MALRD1: variants seen among roughly 807,000 people sequenced by gnomAD.
MALRD1 encodes MAM and LDL-receptor class A domain-containing protein 1.
In MALRD1, 247 loss-of-function variants were observed where a neutral mutation model predicts 242.1. The ratio of observed to expected loss-of-function variants is 1.02; its 90% confidence interval spans 0.92 to 1.13. The LOEUF is 1.13. Among genes scored for constraint, MALRD1 ranks in the 50% most tolerant of loss-of-function variants. MALRD1 has a pLI of 0.00. For missense variants in MALRD1, 2,989 were observed against 2,533.1 expected (o/e 1.18, Z -3.86); for synonymous variants, 995 against 866.6 (o/e 1.15, Z -2.60).
rs894393101 is a variant in MALRD1, at chr10:19,136,682, G to A, written c.1312G>A (p.Glu438Lys). Reference protein sequence around the residue: ...TQSRKLCSADEFPCTSGQCIA... With the variant: ...TQSRKLCSADKFPCTSGQCIA... ...ATCCAGAAAGCTTTGCTCTGCAGAC[G>A]AATTCCCTTGCACTAGTGGCCAGTG... Residue 438 changes from glutamate to lysine, a missense_variant, in exon 10 of 40, where the codon GAA becomes AAA. Transcript: ENST00000454679. 4.3e-5 allele frequency: 53 copies of A among 1,231,566 alleles called. No individual in the cohort carries two copies. Among genetic ancestry groups the A allele is most frequent in the Non-Finnish European group, 4.8e-5 (47 of 987,996 alleles). 76.3% of individuals were successfully genotyped at this position (1,231,566 alleles called of 1,614,324 possible).
intron 29 of MALRD1, among the ~76,000 whole-genome samples, chr10:19,485,005 G>C (rs1166592278): frequency 3.3e-5 from 5 of 152,118 alleles, no homozygotes; most frequent in African/African-American, 1.2e-4. Context: ...ACAAAATAAT[G>C]AAATAAGGTC....
intron 29 of MALRD1, among the ~76,000 whole-genome samples, chr10:19,473,264 A>G (rs1439581044): frequency 6.6e-6 from 1 of 151,636 alleles, no homozygotes; most frequent in Non-Finnish European, 1.5e-5. Context: ...CTGGCATACT[A>G]CAGACAACAA....
intron 31 of MALRD1, among the ~76,000 whole-genome samples, chr10:19,515,874 CTCT>C (rs1166494477): frequency 6.6e-6 from 1 of 152,108 alleles, no homozygotes; most frequent in Non-Finnish European, 1.5e-5. Context: ...GGCCAACTTT[CTCT>C]TCTTGCTGAT....
intron 28 of MALRD1, among the ~76,000 whole-genome samples, chr10:19,407,967 A>G (rs1458405890): frequency 6.6e-6 from 1 of 152,170 alleles, no homozygotes; most frequent in Non-Finnish European, 1.5e-5. Flanking sequence ...ACCAAACACC[A>G]TGGATTCAGT....
intron 17 of MALRD1, among the ~76,000 whole-genome samples, chr10:19,206,764 C>T (rs1439517810): frequency 6.6e-6 from 1 of 152,116 alleles, no homozygotes; most frequent in Non-Finnish European, 1.5e-5. Flanking sequence ...TAGGCGTATT[C>T]CCTTTGGAAA....
intron 6 of MALRD1, among the ~76,000 whole-genome samples, 165 bp from the exon 7 acceptor site, chr10:19,124,359 C>A (rs1479772377): frequency 6.6e-6 from 1 of 152,120 alleles, no homozygotes; most frequent in Non-Finnish European, 1.5e-5. Flanking sequence ...AATGGAGTTG[C>A]TGGTACACTC....
At chr10:19,079,110 G>C (rs918515090) in intron 2 of MALRD1, among the ~76,000 whole-genome samples, 5 of 150,692 alleles carry the variant, frequency 3.3e-5, no homozygotes. Flanking sequence ...TTTAAATTTA[G>C]GCATTTACAG....
intron 31 of MALRD1, among the ~76,000 whole-genome samples, chr10:19,526,971 T>C (rs990704214): frequency 6.6e-6 from 1 of 152,104 alleles, no homozygotes; most frequent in Admixed American, 6.5e-5. Context: ...ATTTCAAGGT[T>C]TGGGAATTTG....
intron 33 of MALRD1, among the ~76,000 whole-genome samples, chr10:19,578,990 G>C (rs916563011): frequency 6.6e-6 from 1 of 152,070 alleles, no homozygotes; most frequent in African/African-American, 2.4e-5. Context: ...GTTTCTATTA[G>C]GAAGGCAGAA....
At chr10:19,690,899 C>A (rs1040852208) in intron 36 of MALRD1, among the ~76,000 whole-genome samples, 1 of 151,862 alleles carries the variant, frequency 6.6e-6, no homozygotes, top group African/African-American at 2.4e-5. Context: ...AACTGGTAAT[C>A]CAAGACAGTT....
intron 4 of MALRD1, among the ~76,000 whole-genome samples, chr10:19,102,630 CAT>C (rs1055368288): frequency 1.3e-5 from 2 of 151,948 alleles, no homozygotes; most frequent in African/African-American, 2.4e-5. Flanking sequence ...GAATAATGCA[CAT>C]GTGTTCATCA....
At chr10:19,081,288 G>A (rs573586920) in intron 2 of MALRD1, among the ~76,000 whole-genome samples, 17 of 151,868 alleles carry the variant, frequency 1.1e-4, no homozygotes, top group African/African-American at 1.9e-4. Flanking sequence ...AAATATAAAC[G>A]ATTCTATTAT....
At chr10:19,116,079 T>G (rs1836860599) in intron 5 of MALRD1, among the ~76,000 whole-genome samples, 1 of 152,146 alleles carries the variant, frequency 6.6e-6, no homozygotes, top group African/African-American at 2.4e-5. Flanking sequence ...GAAATTTTAT[T>G]GTACATTTAT....
intron 38 of MALRD1, 53 bp downstream of exon 38, chr10:19,692,607 C>G (rs908761758): frequency 7.2e-7 from 1 of 1,383,562 alleles, no homozygotes; most frequent in African/African-American, 1.5e-5. Context: ...GAAAAATTTT[C>G]TTCAACATTT....
chr10:19,316,458 CAAACA>C (rs1246956747), intron 21 of MALRD1, among the ~76,000 whole-genome samples: 3 of 151,806 alleles, frequency 2.0e-5, no homozygotes. Flanking sequence ...GAAGACTGGG[CAAACA>C]ATACAGAATG....
chr10:19,689,765 C>G (rs375948704), intron 36 of MALRD1, among the ~76,000 whole-genome samples: 2 of 151,842 alleles, frequency 1.3e-5, no homozygotes, highest in African/African-American at 4.8e-5. Flanking sequence ...TCATTTTATC[C>G]CATGACAGTT....
chr10:19,545,094 T>C (rs1835152761), intron 32 of MALRD1, among the ~76,000 whole-genome samples: 1 of 152,220 alleles, frequency 6.6e-6, no homozygotes, highest in African/African-American at 2.4e-5. Context: ...GGCTTCTTCC[T>C]TGACTGGTCA....
chr10:19,207,094 A>G (rs1836818896), intron 17 of MALRD1, among the ~76,000 whole-genome samples: 1 of 152,134 alleles, frequency 6.6e-6, no homozygotes, highest in South Asian at 2.1e-4. Flanking sequence ...ATTTATTCAC[A>G]TACCCTTTTA....
At chr10:19,686,966 C>A (rs1842607616) in intron 36 of MALRD1, among the ~76,000 whole-genome samples, 1 of 151,878 alleles carries the variant, frequency 6.6e-6, no homozygotes, top group Non-Finnish European at 1.5e-5. Flanking sequence ...ATCAGGTCCT[C>A]CTGGGATGCT....
Sources: gnomAD v4.1 joint callset for allele counts (sites outside exome capture counted in the v4.1 genomes callset) on GRCh38, gnomAD v4.1.1 for gene constraint, MANE v1.5 for transcripts, NCBI Gene and HGNC (gene_info 2026-07-23, HGNC 2026-07-21) for gene names.